Variants in CADM2 observed in about 807,000 individuals in gnomAD.
The protein encoded by CADM2 is immunoglobulin superfamily member 4D.
CADM2 carries 12 observed loss-of-function variants against 49.8 expected under a neutral mutation model. That is an observed-to-expected ratio of 0.24 (90% confidence interval 0.15 to 0.39). The LOEUF (loss-of-function observed/expected upper bound fraction) is 0.39, where lower values mean the gene tolerates loss of function less well. Among genes scored for constraint, CADM2 ranks in the 10% least tolerant of loss-of-function variants. The pLI is 1.00. For missense variants in CADM2, 378 were observed against 492.3 expected (o/e 0.77, Z 2.20); for synonymous variants, 214 against 175.4 (o/e 1.22, Z -1.74).
At chr3:85,589,020 CA>C (rs2063025066) in intron 1 of CADM2, among the ~76,000 whole-genome samples, 1 of 151,948 alleles carries the variant, frequency 6.6e-6, no homozygotes, top group South Asian at 2.1e-4. Flanking sequence ...CAGGGAAGGT[CA>C]AAGGCTATGC....
intron 3 of CADM2, among the ~76,000 whole-genome samples, chr3:85,855,578 T>A (rs942129554): frequency 2.9e-4 from 40 of 136,178 alleles, no homozygotes; most frequent in African/African-American, 1.0e-3. Context: ...TATATATATA[T>A]AAAAAACATA....
chr3:85,134,510 A>G (rs901097943), intron 1 of CADM2, among the ~76,000 whole-genome samples: 6 of 152,260 alleles, frequency 3.9e-5, no homozygotes, highest in African/African-American at 7.2e-5. Context: ...CTATGCCATG[A>G]GCTATTCATA....
chr3:85,409,710 A>G (rs1473953730), intron 1 of CADM2, among the ~76,000 whole-genome samples: 2 of 152,096 alleles, frequency 1.3e-5, no homozygotes, highest in Non-Finnish European at 2.9e-5. Flanking sequence ...TGGATTAAAG[A>G]TGATAAAGTC....
intron 1 of CADM2, among the ~76,000 whole-genome samples, chr3:85,374,156 TACCAA>T (rs1292061675): frequency 6.6e-6 from 1 of 152,154 alleles, no homozygotes; most frequent in African/African-American, 2.4e-5. Flanking sequence ...TAAGTTCCAA[TACCAA>T]ACCATATCTT....
chr3:86,009,009 T>A (rs1731141426), intron 8 of CADM2, among the ~76,000 whole-genome samples: 1 of 149,872 alleles, frequency 6.7e-6, no homozygotes, highest in Non-Finnish European at 1.5e-5. Context: ...TCGCTGAAAA[T>A]AAACACTAAA....
At chr3:85,144,620 A>AAAAGAAAGAAAGAAAGAAAGAAAG (rs60207038) in intron 1 of CADM2, among the ~76,000 whole-genome samples, 6 of 136,388 alleles carry the variant, frequency 4.4e-5, no homozygotes, top group Non-Finnish European at 6.1e-5. Flanking sequence ...TCAAAAAAAA[A>AAAAGAAAGAAAGAAAGAAAGAAAG]AAAGAAAGAA....
chr3:85,150,709 C>T (rs959247620), intron 1 of CADM2, among the ~76,000 whole-genome samples: 13 of 151,404 alleles, frequency 8.6e-5, no homozygotes, highest in African/African-American at 2.9e-4. Flanking sequence ...TCAAGAGCAG[C>T]CTGGCCAACA....
intron 8 of CADM2, among the ~76,000 whole-genome samples, chr3:86,011,725 G>GA (rs1731535306): frequency 6.6e-6 from 1 of 152,004 alleles, no homozygotes; most frequent in African/African-American, 2.4e-5. Flanking sequence ...TGGTATAATT[G>GA]AAAATGAGAC....
intron 1 of CADM2, among the ~76,000 whole-genome samples, chr3:85,678,532 T>TA (rs2065947900): frequency 6.6e-6 from 1 of 152,196 alleles, no homozygotes; most frequent in South Asian, 2.1e-4. Context: ...ATTGATCTCT[T>TA]AAAAATACTT....
intron 2 of CADM2, among the ~76,000 whole-genome samples, chr3:85,751,319 A>T (rs1002289587): frequency 6.6e-6 from 1 of 152,122 alleles, no homozygotes; most frequent in African/African-American, 2.4e-5. Flanking sequence ...AACGGCAAAC[A>T]GTTTTCATTT....
chr3:85,064,257 G>A (rs1012540614), intron 1 of CADM2, among the ~76,000 whole-genome samples: 2 of 151,988 alleles, frequency 1.3e-5, no homozygotes, highest in Non-Finnish European at 2.9e-5. Flanking sequence ...TCCTACCAAT[G>A]AGAACTAAGG....
intron 1 of CADM2, among the ~76,000 whole-genome samples, chr3:85,163,136 A>G (rs1430383491): frequency 6.6e-6 from 1 of 152,058 alleles, no homozygotes; most frequent in African/African-American, 2.4e-5. Context: ...ACAGTATGAA[A>G]TTTATGATTA....
At chr3:85,559,681 C>G in intron 1 of CADM2, among the ~76,000 whole-genome samples, 1 of 78,524 alleles carries the variant, frequency 1.3e-5, no homozygotes, top group Admixed American at 1.3e-4. Flanking sequence ...CACACACACA[C>G]ACACACATAT....
intron 8 of CADM2, among the ~76,000 whole-genome samples, chr3:86,018,469 G>T (rs62263319): frequency 0.3 from 46,219 of 151,652 alleles, 8,349 homozygotes; most frequent in Admixed American, 0.39. Flanking sequence ...TTCCACAATG[G>T]TTTAACTAGT....
At chr3:85,491,342 T>G (rs1461618640) in intron 1 of CADM2, among the ~76,000 whole-genome samples, 1 of 152,174 alleles carries the variant, frequency 6.6e-6, no homozygotes, top group East Asian at 1.9e-4. Flanking sequence ...AAAAAATACC[T>G]AATGACAATG....
chr3:85,041,385 T>C (rs369995949), intron 1 of CADM2, among the ~76,000 whole-genome samples: 275 of 152,300 alleles, frequency 1.8e-3, no homozygotes, highest in African/African-American at 6.5e-3. Context: ...GTTGTGTGTT[T>C]GCGTGGAGAG....
intron 1 of CADM2, among the ~76,000 whole-genome samples, chr3:85,584,247 G>A (rs576242105): frequency 6.6e-6 from 1 of 152,106 alleles, no homozygotes; most frequent in Non-Finnish European, 1.5e-5. Flanking sequence ...AAATGCAGGT[G>A]TCAGGAAAGC....
intron 1 of CADM2, among the ~76,000 whole-genome samples, chr3:85,507,192 T>C (rs533881518): frequency 1.3e-5 from 2 of 151,288 alleles, no homozygotes; most frequent in East Asian, 3.9e-4. Flanking sequence ...ATTTTTTTTT[T>C]TTTTTTTTTG....
At chr3:85,815,731 G>GTCTCTCACCA (rs2073165632) in intron 3 of CADM2, among the ~76,000 whole-genome samples, 1 of 152,116 alleles carries the variant, frequency 6.6e-6, no homozygotes, top group Non-Finnish European at 1.5e-5. Context: ...ACATAGTACT[G>GTCTCTCACCA]GAAGTTCTGG....
Sources: allele counts gnomAD v4.1 joint callset (sites outside exome capture counted in the v4.1 genomes callset), GRCh38; gene constraint gnomAD v4.1.1; transcripts MANE v1.5; gene names NCBI Gene and HGNC (gene_info 2026-07-23, HGNC 2026-07-21).